SARDH: variants seen among roughly 807,000 people sequenced by gnomAD.
SARDH encodes the protein sarcosine dehydrogenase, also known as sarcosine dehydrogenase, mitochondrial.
SARDH carries 95 observed loss-of-function variants against 109.1 expected under a neutral mutation model. That is an observed-to-expected ratio of 0.87 (90% confidence interval 0.74 to 1.03). The LOEUF is 1.03. Among genes scored for constraint, SARDH ranks in the 50% least tolerant of loss-of-function variants. SARDH has a pLI of 0.00. For missense variants in SARDH, 1,267 were observed against 1,287.8 expected, an observed-to-expected ratio of 0.98 and a Z score of 0.25; for synonymous variants, 572 against 534.8, an observed-to-expected ratio of 1.07 and a Z score of -0.96.
At position 133,712,737 on chromosome 9, in the gene SARDH, G is replaced by A. The variant is rs761172962; in HGVS notation, c.1238-28C>T. ...GGCAGGAAGAGAAGCGCAGGGCTGC[G>A]GTCTGCCCCCCAGGGTCCCCCACCC... On this transcript the variant is annotated intron_variant, in intron 9 of 20. Coordinates refer to ENST00000439388, the MANE Select transcript of SARDH (RefSeq NM_001134707.2). This position sits in a 1 kb window ranked among gnomAD's most constrained non-coding sequence, Gnocchi z 4.1. 12 of 1,597,088 alleles carry A rather than the reference G, an allele frequency of 7.5e-6. No individual in the cohort carries two copies. Among genetic ancestry groups the A allele is most frequent in the African/African-American group, 4.0e-5 (3 of 74,768 alleles).
intron 10 of SARDH, 41 bp from the exon 11 acceptor site, chr9:133,708,469 C>G (rs768135723): frequency 1.9e-6 from 3 of 1,578,206 alleles, no homozygotes. Flanking sequence ...TTGGGGATGG[C>G]CCGTCAGGGA....
chr9:133,738,526 C>T (rs1832960052), upstream of SARDH, among the ~76,000 whole-genome samples: 1 of 152,208 alleles, frequency 6.6e-6, no homozygotes, highest in Non-Finnish European at 1.5e-5. Context: ...CCCCATGCCC[C>T]ATTACCCGTA....
At chr9:133,689,869 C>T (rs1358219684) in intron 16 of SARDH, among the ~76,000 whole-genome samples, 1 of 152,214 alleles carries the variant, frequency 6.6e-6, no homozygotes, top group African/African-American at 2.4e-5. Context: ...GAGGGTCTTC[C>T]CCGGTCCTGG....
chr9:133,665,806 C>T (rs1830045053), intron 20 of SARDH, among the ~76,000 whole-genome samples: 1 of 152,256 alleles, frequency 6.6e-6, no homozygotes, highest in Non-Finnish European at 1.5e-5. Context: ...CATGGCTTCT[C>T]CCAAGTGCTC....
chr9:133,662,906 C>T (rs960815462), downstream of SARDH, among the ~76,000 whole-genome samples: 33 of 152,184 alleles, frequency 2.2e-4, no homozygotes, highest in South Asian at 8.3e-4. The surrounding 1 kb of genome is among the most constrained non-coding windows in gnomAD (Gnocchi z 5.1). Context: ...GATGCACACC[C>T]CTCCCAGGCA....
chr9:133,671,459 G>T, intron 18 of SARDH, 76 bp downstream of exon 18: 1 of 1,451,132 alleles, frequency 6.9e-7, no homozygotes, highest in Non-Finnish European at 9.2e-7. Flanking sequence ...CAGCTTCTCG[G>T]CCTCCAGGTG....
intron 11 of SARDH, among the ~76,000 whole-genome samples, chr9:133,707,274 G>A (rs1221633597): frequency 1.3e-5 from 2 of 152,202 alleles, no homozygotes; most frequent in Non-Finnish European, 2.9e-5. Context: ...CTGACTGCGA[G>A]AGGAGCAAAC....
At chr9:133,713,547 C>T (rs1247632155) in intron 8 of SARDH, among the ~76,000 whole-genome samples, 2 of 152,264 alleles carry the variant, frequency 1.3e-5, no homozygotes, top group African/African-American at 4.8e-5. Context: ...TCTCACTCCA[C>T]TTCCCCCCGC....
chr9:133,732,142 G>T lies in SARDH; in HGVS notation c.510+281C>A, dbSNP rs532087647. 7.9e-5 allele frequency among the ~76,000 whole-genome samples: 12 copies of T among 152,236 alleles called. No individual in the cohort carries two copies. The East Asian group carries it at 2.3e-3, about 29-fold the overall frequency. Reference sequence around the variant, plus strand: ...GAACCCAGATCTGTCACCTGCCGGGGCTCCTTCCCTGTGGCGTGTCCCCTT... The same window carrying T: ...GAACCCAGATCTGTCACCTGCCGGGTCTCCTTCCCTGTGGCGTGTCCCCTT... On this transcript the variant is annotated intron_variant, in intron 3 of 20. Transcript: ENST00000439388.
At position 133,733,090 on chromosome 9, in the gene SARDH, C is replaced by T. The variant is rs192781769; in HGVS notation, c.332-489G>A. 9.7e-3 allele frequency among the ~76,000 whole-genome samples: 1,473 copies of T among 152,212 alleles called. 17 individuals are homozygous for T. Among genetic ancestry groups the T allele is most frequent in the African/African-American group, 0.031 (1,277 of 41,536 alleles). On this transcript the variant is annotated intron_variant, in intron 2 of 20. Transcript: ENST00000439388. Reference sequence around the variant, plus strand: ...GGTGGCAGGCCAGGGGTGTGGCTGGCGAAACGTCAGGGAAGAGGCTATGAC... The same window carrying T: ...GGTGGCAGGCCAGGGGTGTGGCTGGTGAAACGTCAGGGAAGAGGCTATGAC...
At chr9:133,691,006 C>T (rs1831072204) in intron 15 of SARDH, among the ~76,000 whole-genome samples, 1 of 152,220 alleles carries the variant, frequency 6.6e-6, no homozygotes, top group African/African-American at 2.4e-5. Context: ...AGGCCCCAGC[C>T]AGGCTGCTCC....
chr9:133,731,516 C>T (rs1263511724), intron 3 of SARDH, 32 bp from the exon 4 acceptor site: 5 of 1,608,456 alleles, frequency 3.1e-6, no homozygotes, highest in Non-Finnish European at 1.7e-6. Context: ...TAACTGAGTC[C>T]GTGGGGAGCA....
chr9:133,723,036 C>T (rs1456880645), intron 6 of SARDH, among the ~76,000 whole-genome samples: 1 of 152,128 alleles, frequency 6.6e-6, no homozygotes, highest in Non-Finnish European at 1.5e-5. Context: ...TTTACAATAT[C>T]ATCAAAAATA....
intron 12 of SARDH, 52 bp from the exon 13 acceptor site, chr9:133,703,081 T>C: frequency 1.3e-6 from 2 of 1,491,500 alleles, no homozygotes; most frequent in Non-Finnish European, 1.8e-6. Context: ...CCTCCCCGCT[T>C]CCCTCCCCAG....
chr9:133,676,067 G>A (rs975231377), intron 17 of SARDH, among the ~76,000 whole-genome samples: 2 of 151,332 alleles, frequency 1.3e-5, no homozygotes, highest in Non-Finnish European at 2.9e-5. Context: ...CTCCAGCCTG[G>A]GTGACAGACT....
chr9:133,710,218 G>T (rs1204975985), intron 10 of SARDH, among the ~76,000 whole-genome samples: 1 of 152,262 alleles, frequency 6.6e-6, no homozygotes, highest in East Asian at 1.9e-4. Context: ...TGCGCTCCAA[G>T]AGGGTGGTAC....
chr9:133,690,972 G>A (rs751969555), intron 15 of SARDH, among the ~76,000 whole-genome samples: 3 of 152,056 alleles, frequency 2.0e-5, no homozygotes, highest in Non-Finnish European at 4.4e-5. Context: ...ACCCTTGGAC[G>A]AGAGACCTCT....
intron 10 of SARDH, among the ~76,000 whole-genome samples, chr9:133,711,170 T>G (rs1021216776): frequency 2.0e-5 from 3 of 152,188 alleles, no homozygotes; most frequent in Non-Finnish European, 4.4e-5. Flanking sequence ...GTCTGCTGAG[T>G]GCGGGACTAG....
chr9:133,715,249 GT>G (rs1471426056), intron 8 of SARDH, among the ~76,000 whole-genome samples: 1 of 152,212 alleles, frequency 6.6e-6, no homozygotes, highest in Non-Finnish European at 1.5e-5. Context: ...GATCCAAGAT[GT>G]CCTTGCCTGC....
Sources: gnomAD v4.1 joint callset for allele counts (sites outside exome capture counted in the v4.1 genomes callset) on GRCh38, gnomAD v4.1.1 for gene constraint, Gnocchi (gnomAD v3.1) non-coding constraint, MANE v1.5 for transcripts, NCBI Gene and HGNC (gene_info 2026-07-23, HGNC 2026-07-21) for gene names.